PALM2AKAP2: variants seen among roughly 807,000 people sequenced by gnomAD.
PALM2AKAP2 encodes the protein PALM2 and AKAP2 fusion.
Under a neutral mutation model 71.5 loss-of-function variants are expected in PALM2AKAP2, and 37 were observed. That is an observed-to-expected ratio of 0.52 (90% CI 0.40 to 0.68). PALM2AKAP2 has a LOEUF of 0.68. PALM2AKAP2 is among the 30% of genes least tolerant of loss of function. The pLI is 0.00. For missense variants in PALM2AKAP2, 1,224 were observed against 1,191.8 expected (o/e 1.03, Z -0.40); for synonymous variants, 468 against 478.8 (o/e 0.98, Z 0.29).
At chr9:109,994,335 G>A (rs968788725) in intron 6 of PALM2AKAP2, among the ~76,000 whole-genome samples, 1 of 152,206 alleles carries the variant, frequency 6.6e-6, no homozygotes, top group Non-Finnish European at 1.5e-5. Flanking sequence ...TAGACAAACA[G>A]TATCTGTGTT....
At chr9:109,663,558 G>A (rs530408797) in intron 1 of PALM2AKAP2, among the ~76,000 whole-genome samples, 1 of 152,198 alleles carries the variant, frequency 6.6e-6, no homozygotes, top group African/African-American at 2.4e-5. Flanking sequence ...CAGACAGTTT[G>A]TTGTGATTTC....
intron 1 of PALM2AKAP2, among the ~76,000 whole-genome samples, chr9:109,679,513 TTATAA>T (rs1306002707): frequency 1.3e-5 from 2 of 152,198 alleles, no homozygotes; most frequent in Non-Finnish European, 2.9e-5. Context: ...AAACTCTGAC[TTATAA>T]TATGATGTTT....
intron 3 of PALM2AKAP2, among the ~76,000 whole-genome samples, chr9:110,163,009 G>T (rs1396053282): frequency 1.3e-5 from 2 of 152,024 alleles, no homozygotes; most frequent in Admixed American, 1.3e-4. Flanking sequence ...ACTGTTCTCG[G>T]TCCCCAAAAG....
intron 1 of PALM2AKAP2, among the ~76,000 whole-genome samples, chr9:109,821,596 GT>G (rs369879970): frequency 2.6e-5 from 4 of 152,308 alleles, no homozygotes; most frequent in African/African-American, 9.6e-5. Context: ...AGAAAGGCAT[GT>G]TTCTGCCTTC....
intron 3 of PALM2AKAP2, among the ~76,000 whole-genome samples, chr9:109,883,062 G>A (rs780671321): frequency 6.6e-6 from 1 of 152,104 alleles, no homozygotes; most frequent in Non-Finnish European, 1.5e-5. Context: ...GTGGTAACTC[G>A]CACTTGTAGA....
chr9:109,794,881 C>T (rs981905386), intron 1 of PALM2AKAP2, among the ~76,000 whole-genome samples: 5 of 152,198 alleles, frequency 3.3e-5, no homozygotes, highest in East Asian at 1.9e-4. Context: ...GCAGTACTTG[C>T]GTCGGCCCTG....
intron 1 of PALM2AKAP2, among the ~76,000 whole-genome samples, chr9:109,753,189 T>A (rs1174005497): frequency 6.6e-6 from 1 of 152,148 alleles, no homozygotes; most frequent in Non-Finnish European, 1.5e-5. Context: ...TCTCAGTGGC[T>A]TTCTTAAAGC....
At chr9:109,930,717 T>C (rs1159172889) in intron 5 of PALM2AKAP2, among the ~76,000 whole-genome samples, 1 of 152,160 alleles carries the variant, frequency 6.6e-6, no homozygotes, top group Non-Finnish European at 1.5e-5. Flanking sequence ...GCTGCTAGAA[T>C]GGAAGCAGTA....
At chr9:109,920,258 A>G (rs1316687470) in intron 3 of PALM2AKAP2, among the ~76,000 whole-genome samples, 1 of 152,208 alleles carries the variant, frequency 6.6e-6, no homozygotes, top group Non-Finnish European at 1.5e-5. Flanking sequence ...CCCATCTACC[A>G]TAAGCCTAGA....
At chr9:110,014,808 ATATATAT>A (rs1832949324) in intron 6 of PALM2AKAP2, among the ~76,000 whole-genome samples, 1 of 4,194 alleles carries the variant, frequency 2.4e-4, no homozygotes, top group Non-Finnish European at 6.4e-4. Context: ...AAAAAAATGT[ATATATAT>A]ATATATATAT....
chr9:109,859,150 T>C (rs1201601967), intron 1 of PALM2AKAP2, among the ~76,000 whole-genome samples: 1 of 152,218 alleles, frequency 6.6e-6, no homozygotes, highest in Non-Finnish European at 1.5e-5. Context: ...TAAAATCCAG[T>C]ATTGAGGCTC....
At chr9:109,715,143 G>C (rs1419461204) in intron 1 of PALM2AKAP2, among the ~76,000 whole-genome samples, 1 of 152,200 alleles carries the variant, frequency 6.6e-6, no homozygotes, top group Non-Finnish European at 1.5e-5. Context: ...GCTGTCTGCT[G>C]TCAAATACTT....
intron 1 of PALM2AKAP2, among the ~76,000 whole-genome samples, chr9:110,121,855 C>T (rs1588121255): frequency 6.6e-6 from 1 of 152,202 alleles, no homozygotes; most frequent in Non-Finnish European, 1.5e-5. Flanking sequence ...TCTTGAGACT[C>T]TGCCCACTCA....
chr9:109,889,111 G>A (rs191389901), intron 3 of PALM2AKAP2, among the ~76,000 whole-genome samples: 199 of 152,312 alleles, frequency 1.3e-3, no homozygotes, highest in African/African-American at 4.7e-3. Flanking sequence ...GTGATTCTCA[G>A]TGCAAAATGA....
exon 7 of PALM2AKAP2, chr9:110,016,033 T>C (rs1484415484): frequency 6.2e-7 from 1 of 1,613,464 alleles, no homozygotes; most frequent in Non-Finnish European, 8.5e-7. Flanking sequence ...CAGACATGAC[T>C]ATCAAGGTAA....
chr9:109,707,636 TTCCAAGCC>T (rs1828164342), intron 1 of PALM2AKAP2, among the ~76,000 whole-genome samples: 1 of 152,178 alleles, frequency 6.6e-6, no homozygotes, highest in South Asian at 2.1e-4. Flanking sequence ...TCCTGCCTGT[TTCCAAGCC>T]TGTTTCTTTA....
chr9:109,867,672 A>G, intron 2 of PALM2AKAP2, 101 bp downstream of exon 2: 1 of 1,336,926 alleles, frequency 7.5e-7, no homozygotes, highest in Non-Finnish European at 1.0e-6. Context: ...GCTGCCGCCA[A>G]CCAAACCAGC....
Position 109,800,893 on chromosome 9 carries a change from T to A in PALM2AKAP2, c.45+20360T>A, listed in dbSNP as rs1016608923. Among the ~76,000 whole-genome samples, 3 of 152,340 alleles carry A rather than the reference T, an allele frequency of 2.0e-5. No individual in the cohort carries two copies. In the East Asian group the frequency reaches 5.8e-4, roughly 29 times the overall value. ...CTGCCTTGGAGGGAAGAATGACGTC[T>A]TAGGACTCAAAGCCTTGATACAGGC... is the stretch of plus-strand genomic sequence containing the variant. On this transcript the variant is annotated intron_variant, in intron 1 of 9. Coordinates refer to the PALM2AKAP2 transcript ENST00000302798.
At chr9:109,791,495 G>A (rs945830967) in intron 1 of PALM2AKAP2, among the ~76,000 whole-genome samples, 4 of 152,096 alleles carry the variant, frequency 2.6e-5, no homozygotes, top group East Asian at 1.9e-4. Context: ...GCAGAAGTGC[G>A]CCCTCTCCCC....
Sources: allele counts gnomAD v4.1 joint callset (sites outside exome capture counted in the v4.1 genomes callset), GRCh38; gene constraint gnomAD v4.1.1; transcripts MANE v1.5; gene names NCBI Gene and HGNC (gene_info 2026-07-23, HGNC 2026-07-21).